PREP: variants seen among roughly 807,000 people sequenced by gnomAD.
PREP encodes the protein prolyl endopeptidase, also known as dJ355L5.1 (prolyl endopeptidase).
A neutral mutation model predicts 87.6 loss-of-function variants in PREP; 29 were observed. The ratio of observed to expected loss-of-function variants is 0.33; its 90% CI spans 0.25 to 0.45. The LOEUF is 0.45. PREP is among the 20% of genes least tolerant of loss of function. The pLI, the probability that PREP is intolerant of heterozygous loss-of-function variation, is 1.00. For missense variants in PREP, 695 were observed against 886.5 expected (o/e 0.78, Z 2.74); for synonymous variants, 337 against 328.6 (o/e 1.03, Z -0.28).
intron 10 of PREP, chr6:105,322,276 G>C (rs1771031347): frequency 1.1e-6 from 1 of 918,458 alleles, no homozygotes; most frequent in Non-Finnish European, 1.3e-6. Context: ...CTAAAAGTCT[G>C]TTACATTTAT....
At chr6:105,362,648 CT>C (rs1174927902) in intron 6 of PREP, among the ~76,000 whole-genome samples, 1 of 152,126 alleles carries the variant, frequency 6.6e-6, no homozygotes, top group Non-Finnish European at 1.5e-5. Context: ...TCTAGCTTGG[CT>C]TTCTGACTTT....
In PREP at chr6:105,373,540, C is replaced by T. The variant is rs1772611702; in HGVS notation, c.424G>A (p.Gly142Ser). The T allele has an allele frequency of 1.2e-6, 2 of 1,614,152 alleles. No individual in the cohort carries two copies. The highest frequency in any genetic ancestry group is 1.7e-6 in the Non-Finnish European group (2 of 1,180,008). ...FSEDGEYFAY[G>S]LSASGSDWVT... The stretch of plus-strand genomic sequence containing the variant: ...CAGTCTGAGCCACTGGCACTCAGAC[C>T]ATAGGCAAAATATTCACCATCTTCG... Residue 142 changes from glycine (G) to serine (S), a missense_variant, in exon 5 of 15, where the codon GGT (glycine) becomes AGT (serine). Coordinates refer to ENST00000652536, the MANE Select transcript of PREP (RefSeq NM_002726.5).
chr6:105,289,765 A>AC (rs1329366379), intron 10 of PREP, among the ~76,000 whole-genome samples: 1 of 152,108 alleles, frequency 6.6e-6, no homozygotes, highest in Non-Finnish European at 1.5e-5. Context: ...TGGTGTTTTT[A>AC]CCCCCAAACA....
At chr6:105,394,456 G>A (rs1305700169) in intron 2 of PREP, among the ~76,000 whole-genome samples, 3 of 152,042 alleles carry the variant, frequency 2.0e-5, no homozygotes, top group Admixed American at 1.3e-4. Flanking sequence ...ATTCAAATCT[G>A]TGAGTTCAAA....
chr6:105,346,942 A>C (rs972466562), intron 7 of PREP, among the ~76,000 whole-genome samples: 2 of 152,190 alleles, frequency 1.3e-5, no homozygotes, highest in Non-Finnish European at 2.9e-5. Context: ...TTCTACTAAA[A>C]ATACAAAATT....
intron 2 of PREP, among the ~76,000 whole-genome samples, chr6:105,396,496 C>T (rs958756780): frequency 6.6e-6 from 1 of 152,202 alleles, no homozygotes; most frequent in Non-Finnish European, 1.5e-5. Flanking sequence ...AAGCTCTTCA[C>T]TCCATCCCTT....
At chr6:105,371,036 G>A (rs576846072) in intron 5 of PREP, among the ~76,000 whole-genome samples, 1 of 152,300 alleles carries the variant, frequency 6.6e-6, no homozygotes, top group African/African-American at 2.4e-5. Context: ...ATAATGATGT[G>A]TCAATGTAGA....
intron 1 of PREP, among the ~76,000 whole-genome samples, chr6:105,398,818 C>A (rs1408828066): frequency 1.3e-5 from 2 of 152,104 alleles, no homozygotes; most frequent in East Asian, 1.9e-4. Flanking sequence ...CAAGATTAAC[C>A]CCATTAGGAC....
chr6:105,380,363 C>T (rs1772805396), intron 2 of PREP, among the ~76,000 whole-genome samples: 1 of 152,174 alleles, frequency 6.6e-6, no homozygotes, highest in African/African-American at 2.4e-5. Flanking sequence ...ACATGAGCTA[C>T]AGCAGGCGGC....
intron 7 of PREP, among the ~76,000 whole-genome samples, chr6:105,342,153 G>A (rs544254370): frequency 3.3e-4 from 50 of 152,266 alleles, no homozygotes; most frequent in African/African-American, 1.1e-3. Flanking sequence ...CTGGCAAACC[G>A]AATCCAGCAG....
intron 11 of PREP, among the ~76,000 whole-genome samples, chr6:105,286,763 T>C (rs1019224676): frequency 2.2e-5 from 3 of 135,444 alleles, no homozygotes; most frequent in African/African-American, 5.5e-5. Flanking sequence ...AGATTGATGT[T>C]TGATCACTTG....
chr6:105,396,458 T>C (rs572710181), intron 2 of PREP, among the ~76,000 whole-genome samples: 1 of 152,282 alleles, frequency 6.6e-6, no homozygotes, highest in Non-Finnish European at 1.5e-5. Context: ...CTTTCTCTCT[T>C]TTCTCCATAT....
In PREP at chr6:105,377,404, T is replaced by C; in HGVS notation, c.236A>G (p.His79Arg). The change falls in exon 3 of 15, where the codon CAC becomes CGC. Residue 79 changes from histidine to arginine, a missense_variant. Physicochemically the swap from His to Arg is conservative, Grantham distance 29. Transcript: ENST00000652536. ...ELYDYPKYSC[H>R]FKKGKRYFYF... ...GTCTCACCGTTTTCCTTTCTTGAAG[T>C]GGCAACTATACTTGGGATAATCATA... 1.2e-6 allele frequency: 2 copies of C among 1,607,410 alleles called. No individual in the cohort carries two copies. The highest frequency in any genetic ancestry group is 1.7e-6 in the Non-Finnish European group (2 of 1,178,152).
chr6:105,390,433 C>A (rs993813589), intron 2 of PREP, among the ~76,000 whole-genome samples: 11 of 152,198 alleles, frequency 7.2e-5, no homozygotes, highest in Non-Finnish European at 1.3e-4. Flanking sequence ...TCTCATTTTG[C>A]CCAGGGCGGC....
At chr6:105,354,808 A>G (rs1772049493) in intron 6 of PREP, among the ~76,000 whole-genome samples, 1 of 151,154 alleles carries the variant, frequency 6.6e-6, no homozygotes, top group South Asian at 2.1e-4. Context: ...GTATATATAT[A>G]CATACATACA....
At chr6:105,335,705 C>T (rs1429921047) in intron 7 of PREP, among the ~76,000 whole-genome samples, 2 of 152,052 alleles carry the variant, frequency 1.3e-5, no homozygotes, top group African/African-American at 4.8e-5. Flanking sequence ...TCCTGGCTAA[C>T]ACAGTGAAAC....
intron 10 of PREP, chr6:105,302,710 C>T (rs1042952588): frequency 7.8e-6 from 4 of 510,408 alleles, no homozygotes; most frequent in Non-Finnish European, 1.5e-5. Context: ...GGAGACCGCG[C>T]CGCCTGTCAG....
chr6:105,305,946 A>G (rs1015407933), intron 10 of PREP, among the ~76,000 whole-genome samples: 2 of 151,746 alleles, frequency 1.3e-5, no homozygotes, highest in African/African-American at 4.8e-5. Flanking sequence ...GACTCAAGGG[A>G]TCCTTGTGCC....
chr6:105,331,002 T>C (rs923100967), intron 8 of PREP, among the ~76,000 whole-genome samples: 1 of 152,206 alleles, frequency 6.6e-6, no homozygotes, highest in Non-Finnish European at 1.5e-5. Context: ...AAATTATAGC[T>C]GTCAAAGAAT....
Sources: allele counts gnomAD v4.1 joint callset (sites outside exome capture counted in the v4.1 genomes callset), GRCh38; gene constraint gnomAD v4.1.1; transcripts MANE v1.5; gene names NCBI Gene and HGNC (gene_info 2026-07-23, HGNC 2026-07-21).